The following TBC1D9 variants were observed in gnomAD, a reference collection of about 807,000 sequenced individuals.
TBC1D9 encodes the protein TBC1 domain family member 9, also known as TBC1 domain family member 9A.
A neutral mutation model predicts 132.0 loss-of-function variants in TBC1D9; 63 were observed. The ratio of observed to expected loss-of-function variants is 0.48; its 90% CI spans 0.39 to 0.59. TBC1D9 has a LOEUF of 0.59. Ranked by LOEUF, TBC1D9 falls within the 20% of genes least tolerant of loss-of-function variation. The pLI, the probability that TBC1D9 is intolerant of heterozygous loss-of-function variation, is 0.00. For synonymous variants in TBC1D9, 610 were observed against 609.9 expected (o/e 1.00, Z 0.00); for missense variants, 1,261 against 1,592.7 (o/e 0.79, Z 3.54).
chr4:140,645,432 G>C (rs956483016), intron 13 of TBC1D9: 2 of 435,056 alleles, frequency 4.6e-6, no homozygotes, highest in Admixed American at 2.6e-5. Flanking sequence ...GGCACTCTCC[G>C]GCCTCTCTGG....
At chr4:140,659,546 T>G in intron 11 of TBC1D9, 42 bp downstream of exon 11, 1 of 1,404,118 alleles carries the variant, frequency 7.1e-7, no homozygotes, top group South Asian at 1.3e-5. Context: ...AGCATCTTCT[T>G]GACGAGACAT....
intron 1 of TBC1D9, among the ~76,000 whole-genome samples, chr4:140,752,555 C>T (rs1422174396): frequency 2.2e-5 from 3 of 136,520 alleles, no homozygotes; most frequent in African/African-American, 7.4e-5. Flanking sequence ...TCCTGGTGTT[C>T]TATTTTTTTT....
chr4:140,741,218 T>G (rs1303692988), intron 1 of TBC1D9, among the ~76,000 whole-genome samples: 1 of 152,194 alleles, frequency 6.6e-6, no homozygotes, highest in Non-Finnish European at 1.5e-5. Flanking sequence ...TAGTATAGCA[T>G]TACATGAGAA....
At chr4:140,712,957 T>C (rs988176578) in intron 1 of TBC1D9, among the ~76,000 whole-genome samples, 4 of 152,096 alleles carry the variant, frequency 2.6e-5, no homozygotes, top group Non-Finnish European at 5.9e-5. Flanking sequence ...GGCCTGGAAA[T>C]TATCACCAGA....
chr4:140,653,423 G>A (rs1036013650), intron 13 of TBC1D9, among the ~76,000 whole-genome samples: 9 of 152,242 alleles, frequency 5.9e-5, no homozygotes, highest in African/African-American at 1.2e-4. Flanking sequence ...TGCATCCAGC[G>A]CAGTGAATCT....
chr4:140,705,883 C>T (rs1006079980), intron 1 of TBC1D9, among the ~76,000 whole-genome samples: 1 of 152,236 alleles, frequency 6.6e-6, no homozygotes, highest in East Asian at 1.9e-4. Context: ...AATCAAATTA[C>T]AGCCCTCAAA....
intron 13 of TBC1D9, among the ~76,000 whole-genome samples, chr4:140,640,056 T>A (rs1348025677): frequency 6.6e-6 from 1 of 152,220 alleles, no homozygotes; most frequent in Non-Finnish European, 1.5e-5. Flanking sequence ...GGTTAAAGTA[T>A]GAAGCTTAAC....
chr4:140,640,449 G>T (rs926960936), intron 13 of TBC1D9, among the ~76,000 whole-genome samples: 7 of 18,206 alleles, frequency 3.8e-4, no homozygotes, highest in South Asian at 2.0e-3. Flanking sequence ...TGGTGGGGTG[G>T]GGGGGGGAGT....
rs1262760089 is a variant in TBC1D9 at position 140,622,536 on chromosome 4, C to A, written c.3460G>T (p.Asp1154Tyr). 1 of 1,614,038 alleles carries A rather than the reference C, an allele frequency of 6.2e-7. No homozygotes were observed. The highest frequency in any genetic ancestry group is 1.1e-5 in the South Asian group (1 of 91,080). Residue 1154 changes from aspartate to tyrosine, a missense_variant, in exon 21 of 21, where the codon GAC (aspartate) becomes TAC (tyrosine). By Grantham distance (160) the Asp-to-Tyr change is radical. Transcript: ENST00000442267. ...GACSSMLISD[D>Y]DTKDDSSMSS... Reference sequence around the variant, plus strand: ...ATGGAGCTGTCGTCCTTGGTGTCGTCGTCAGAGATCAGCATGGAGGAGCAG... The same window carrying A: ...ATGGAGCTGTCGTCCTTGGTGTCGTAGTCAGAGATCAGCATGGAGGAGCAG...
At chr4:140,684,962 A>G (rs1737758192) in intron 3 of TBC1D9, among the ~76,000 whole-genome samples, 1 of 152,156 alleles carries the variant, frequency 6.6e-6, no homozygotes, top group African/African-American at 2.4e-5. Context: ...ACTGGAAAAT[A>G]CAGAATCCAT....
chr4:140,633,952 C>T lies in TBC1D9; in HGVS notation c.2742G>A (p.Gly914=), dbSNP rs1449039679. 1.2e-6 allele frequency: 2 copies of T among 1,613,724 alleles called. No individual in the cohort carries two copies. The highest frequency in any genetic ancestry group is 2.2e-5 in the East Asian group (1 of 44,890). The change falls in exon 16 of 21, where the codon GGG becomes GGA. Residue 914 remains glycine, a synonymous_variant. Transcript: ENST00000442267. ...SLINFREFVS[G]LSAACHGDLT... ...GCAATAGTACCACGTCCTTACTTAG[C>T]CCAGAGACAAACTCCCGGAAGTTAA...
intron 16 of TBC1D9, among the ~76,000 whole-genome samples, chr4:140,630,559 C>G (rs1736778975): frequency 6.6e-6 from 1 of 152,170 alleles, no homozygotes; most frequent in African/African-American, 2.4e-5. Flanking sequence ...GGATGTTAGT[C>G]TGCCATTTTC....
At chr4:140,648,786 A>G (rs1737143329) in intron 13 of TBC1D9, among the ~76,000 whole-genome samples, 1 of 152,014 alleles carries the variant, frequency 6.6e-6, no homozygotes, top group African/African-American at 2.4e-5. Flanking sequence ...TTCATTTCAT[A>G]CCACCTTCCC....
intron 1 of TBC1D9, among the ~76,000 whole-genome samples, chr4:140,754,614 CAAAAAAAAA>C (rs34471976): frequency 4.3e-4 from 10 of 23,260 alleles, no homozygotes; most frequent in South Asian, 3.0e-3. Context: ...GACTCTGTCT[CAAAAAAAAA>C]AAAAAAAAAA....
chr4:140,642,342 G>T (rs1737015742), intron 13 of TBC1D9: 1 of 808,014 alleles, frequency 1.2e-6, no homozygotes. Flanking sequence ...TATCTTCCTG[G>T]CTTTGGCGGC....
At position 140,665,051 on chromosome 4, in the gene TBC1D9, G is replaced by C. The variant is rs190326193; in HGVS notation, c.1589-2944C>G. Among the ~76,000 whole-genome samples the C allele has an allele frequency of 1.8e-3, 267 of 149,984 alleles. 3 individuals are homozygous for C. Among genetic ancestry groups the C allele is most frequent in the African/African-American group, 5.5e-3 (226 of 40,780 alleles). On this transcript the variant is annotated intron_variant, in intron 9 of 20. Transcript: ENST00000442267. ...GAACCCAGGAGGTGGAGGTTTCAGT[G>C]AGCCAAGATTATGCCATTGCACTCC...
chr4:140,649,831 G>A (rs970216724), intron 13 of TBC1D9, among the ~76,000 whole-genome samples: 9 of 152,120 alleles, frequency 5.9e-5, no homozygotes, highest in Non-Finnish European at 7.4e-5. Context: ...TGAATGGGTG[G>A]CCCTTTCTAG....
intron 2 of TBC1D9, among the ~76,000 whole-genome samples, chr4:140,698,228 T>C: frequency 6.6e-6 from 1 of 152,156 alleles, no homozygotes; most frequent in Admixed American, 6.5e-5. Context: ...GAACACTGTC[T>C]TCCAGGAGCC....
intron 1 of TBC1D9, among the ~76,000 whole-genome samples, chr4:140,715,581 G>GA (rs1408226227): frequency 1.3e-5 from 2 of 152,216 alleles, no homozygotes; most frequent in South Asian, 4.1e-4. Flanking sequence ...AGTTATATAA[G>GA]AAGGTGCAAA....
Sources: gnomAD v4.1 joint callset for allele counts (sites outside exome capture counted in the v4.1 genomes callset) on GRCh38, gnomAD v4.1.1 for gene constraint, MANE v1.5 for transcripts, NCBI Gene and HGNC (gene_info 2026-07-23, HGNC 2026-07-21) for gene names.